The following EPB41L4A variants were observed in gnomAD, a reference collection of about 807,000 sequenced individuals.
The protein encoded by EPB41L4A is band 4.1-like protein 4A.
Under a neutral mutation model 108.6 loss-of-function variants are expected in EPB41L4A, and 100 were observed. That is an observed-to-expected ratio of 0.92 (90% CI 0.78 to 1.09). The LOEUF (loss-of-function observed/expected upper bound fraction) is 1.09, where lower values mean the gene tolerates loss of function less well. EPB41L4A is among the 50% of genes least tolerant of loss of function. The pLI is 0.00. For synonymous variants in EPB41L4A, 319 were observed against 289.0 expected (o/e 1.10, Z -1.05); for missense variants, 1,030 against 842.7 (o/e 1.22, Z -2.75).
intron 2 of EPB41L4A, among the ~76,000 whole-genome samples, chr5:112,305,745 A>G (rs973380620): frequency 2.0e-5 from 3 of 152,180 alleles, no homozygotes; most frequent in Admixed American, 6.6e-5. Flanking sequence ...CCATTAGAAT[A>G]TAACAAAAAC....
At chr5:112,357,401 C>T (rs1314514039) in intron 1 of EPB41L4A, among the ~76,000 whole-genome samples, 1 of 152,138 alleles carries the variant, frequency 6.6e-6, no homozygotes, top group African/African-American at 2.4e-5. Flanking sequence ...TGGGCTCAAG[C>T]CAATATACAA....
At chr5:112,268,728 C>T (rs1177090124) in intron 4 of EPB41L4A, among the ~76,000 whole-genome samples, 2 of 148,480 alleles carry the variant, frequency 1.3e-5, no homozygotes, top group Admixed American at 6.8e-5. Flanking sequence ...ATGTAGTCAC[C>T]GCTACTTGGG....
At chr5:112,339,044 G>C (rs1220824721) in intron 1 of EPB41L4A, among the ~76,000 whole-genome samples, 2 of 151,938 alleles carry the variant, frequency 1.3e-5, no homozygotes, top group African/African-American at 4.8e-5. Context: ...GGGGGAGAAT[G>C]AAGGGAGAAG....
intron 1 of EPB41L4A, among the ~76,000 whole-genome samples, chr5:112,375,840 C>T (rs1448276451): frequency 6.6e-6 from 1 of 152,144 alleles, no homozygotes; most frequent in African/African-American, 2.4e-5. Flanking sequence ...TCTAAACTGA[C>T]TTCACGAATT....
At chr5:112,242,740 C>T (rs577394912) in intron 9 of EPB41L4A, among the ~76,000 whole-genome samples, 1 of 152,274 alleles carries the variant, frequency 6.6e-6, no homozygotes, top group South Asian at 2.1e-4. Flanking sequence ...GTTGAAGTTA[C>T]CTCTTGATCC....
intron 1 of EPB41L4A, among the ~76,000 whole-genome samples, chr5:112,322,353 C>A (rs1000866799): frequency 6.6e-6 from 1 of 152,174 alleles, no homozygotes; most frequent in African/African-American, 2.4e-5. Flanking sequence ...CTCTAACATG[C>A]ACTCATATTT....
At chr5:112,249,400 T>C (rs972174825) in intron 9 of EPB41L4A, among the ~76,000 whole-genome samples, 3 of 152,188 alleles carry the variant, frequency 2.0e-5, no homozygotes, top group African/African-American at 7.2e-5. Flanking sequence ...GTAGTCAAAC[T>C]GAAATCTTTA....
intron 15 of EPB41L4A, among the ~76,000 whole-genome samples, chr5:112,201,694 C>T (rs535807371): frequency 1.7e-3 from 261 of 152,290 alleles, no homozygotes; most frequent in South Asian, 3.9e-3. Context: ...CACACAAATG[C>T]ACTTTAAAGT....
At chr5:112,346,964 T>C (rs1757718206) in intron 1 of EPB41L4A, among the ~76,000 whole-genome samples, 1 of 152,114 alleles carries the variant, frequency 6.6e-6, no homozygotes, top group South Asian at 2.1e-4. Flanking sequence ...AGGCGCCCAA[T>C]ATTTAGCATT....
chr5:112,193,951 A>G (rs1761833990), intron 17 of EPB41L4A, among the ~76,000 whole-genome samples: 1 of 152,228 alleles, frequency 6.6e-6, no homozygotes, highest in African/African-American at 2.4e-5. Flanking sequence ...TGCTCTTTTC[A>G]TTAATGACAC....
At chr5:112,398,880 C>A (rs1409727709) in intron 1 of EPB41L4A, among the ~76,000 whole-genome samples, 1 of 150,094 alleles carries the variant, frequency 6.7e-6, no homozygotes, top group East Asian at 2.0e-4. Flanking sequence ...AAAGACCTTT[C>A]TTTCACTGCC....
chr5:112,246,030 T>C (rs887376198), intron 9 of EPB41L4A, among the ~76,000 whole-genome samples: 1 of 152,054 alleles, frequency 6.6e-6, no homozygotes, highest in African/African-American at 2.4e-5. Context: ...GAAAAGTCAA[T>C]GAATTCAGAA....
rs190134982 is a variant in EPB41L4A, at chr5:112,357,044, G to A, written c.100-49554C>T. Among the ~76,000 whole-genome samples the A allele has an allele frequency of 1.4e-3, 217 of 152,238 alleles. 2 individuals carry two copies. The highest frequency in any genetic ancestry group is 4.1e-4 in the Non-Finnish European group (28 of 68,018). ...GCCGGTGCTGAGTAGGGCCCAGAGCGAGAGATGGTTCTGCAACAAAGATAG... is the reference window on the plus strand; with the variant it reads ...GCCGGTGCTGAGTAGGGCCCAGAGCAAGAGATGGTTCTGCAACAAAGATAG... On this transcript the variant is annotated intron_variant, in intron 1 of 22. Coordinates refer to ENST00000261486, the MANE Select transcript of EPB41L4A (RefSeq NM_022140.5).
intron 12 of EPB41L4A, among the ~76,000 whole-genome samples, chr5:112,147,647 A>G (rs1759311019): frequency 6.6e-6 from 1 of 151,758 alleles, no homozygotes; most frequent in African/African-American, 2.4e-5. Context: ...CAAGAAAAAA[A>G]AAAAAAAGAT....
At chr5:112,231,242 T>C (rs1439936993) in intron 12 of EPB41L4A, among the ~76,000 whole-genome samples, 1 of 152,190 alleles carries the variant, frequency 6.6e-6, no homozygotes, top group African/African-American at 2.4e-5. Context: ...TTTAGGAACA[T>C]TTAAACATAT....
chr5:112,337,287 C>T lies in EPB41L4A; in HGVS notation c.100-29797G>A, dbSNP rs114018176. ...GCCCAAACCCATCTGTTATAGTCAG[C>T]TTTGCCACAATTCAGTCTGGTCTAA... On this transcript the variant is annotated intron_variant, in intron 1 of 22. Transcript: ENST00000261486. Among the ~76,000 whole-genome samples, 1,367 of 152,264 alleles carry T rather than the reference C, an allele frequency of 9.0e-3. 25 individuals are homozygous for T. The highest frequency in any genetic ancestry group is 0.031 in the African/African-American group (1,290 of 41,528).
intron 1 of EPB41L4A, among the ~76,000 whole-genome samples, chr5:112,333,911 A>G (rs1756750137): frequency 6.6e-6 from 1 of 152,184 alleles, no homozygotes; most frequent in South Asian, 2.1e-4. Flanking sequence ...GGACTGCAGT[A>G]TACTATCAAC....
chr5:112,161,246 C>G (rs1759881518), downstream of EPB41L4A: 2 of 309,110 alleles, frequency 6.5e-6, no homozygotes, highest in Non-Finnish European at 1.3e-5. Context: ...TGCCTGGTTA[C>G]AGCTGTTTCC....
intron 17 of EPB41L4A, among the ~76,000 whole-genome samples, chr5:112,191,439 G>T (rs1761694343): frequency 6.6e-6 from 1 of 151,940 alleles, no homozygotes; most frequent in Non-Finnish European, 1.5e-5. Context: ...GAGCTGGTGT[G>T]GATTATTATT....
Sources: allele counts gnomAD v4.1 joint callset (sites outside exome capture counted in the v4.1 genomes callset), GRCh38; gene constraint gnomAD v4.1.1; transcripts MANE v1.5; gene names NCBI Gene and HGNC (gene_info 2026-07-23, HGNC 2026-07-21).